Variants in PRELID2 observed in about 807,000 individuals in gnomAD.
The protein encoded by PRELID2 is PRELI domain containing 2, also known as PRELI domain-containing protein 2.
PRELID2 carries 25 observed loss-of-function variants against 28.4 expected under a neutral mutation model. The ratio of observed to expected loss-of-function variants is 0.88; its 90% CI spans 0.64 to 1.23. The LOEUF (loss-of-function observed/expected upper bound fraction) is 1.23, where lower values mean the gene tolerates loss of function less well. Ranked by LOEUF, PRELID2 falls within the 50% of genes most tolerant of loss-of-function variation. PRELID2 has a pLI of 0.00. For missense variants in PRELID2, 201 were observed against 214.4 expected, an observed-to-expected ratio of 0.94 and a Z score of 0.39; for synonymous variants, 76 against 71.6, an observed-to-expected ratio of 1.06 and a Z score of -0.31.
At chr5:145,235,085 C>A in the PRELID2 span, among the ~76,000 whole-genome samples, 1 of 152,086 alleles carries the variant, frequency 6.6e-6, no homozygotes, top group African/African-American at 2.4e-5. Context: ...AAGATAGATG[C>A]ACAACTTTCA....
intron 1 of PRELID2, among the ~76,000 whole-genome samples, chr5:145,649,597 C>G (rs931261955): frequency 6.6e-6 from 1 of 152,172 alleles, no homozygotes; most frequent in Non-Finnish European, 1.5e-5. Context: ...ATTTTCCATC[C>G]TTTTCTTTCT....
Position 145,658,413 on chromosome 5 carries a change from C to G in PRELID2, n.70+106518G>C, listed in dbSNP as rs565259045. 3.9e-5 allele frequency among the ~76,000 whole-genome samples: 6 copies of G among 152,278 alleles called. No homozygotes were observed. In the East Asian group the frequency reaches 1.2e-3, roughly 29 times the overall value. On this transcript the variant is annotated intron_variant and non_coding_transcript_variant, in intron 1 of 2. Transcript: ENST00000510259. ...CATGTGATGGGATCTGGATGTGTGT[C>G]CCTCCAAATCTCATGCTGAAATGTG...
chr5:145,537,760 T>C (rs1314663657), intron 1 of PRELID2, among the ~76,000 whole-genome samples: 2 of 151,966 alleles, frequency 1.3e-5, no homozygotes, highest in Non-Finnish European at 2.9e-5. Flanking sequence ...ATGTATAGTT[T>C]GCAAATATTT....
chr5:145,304,182 A>G, the PRELID2 span, among the ~76,000 whole-genome samples: 35 of 152,328 alleles, frequency 2.3e-4, 1 homozygote, highest in South Asian at 1.4e-3. Flanking sequence ...TATGTATTAA[A>G]CACTTACTAT....
the PRELID2 span, among the ~76,000 whole-genome samples, chr5:145,244,036 T>C: frequency 6.6e-6 from 1 of 152,072 alleles, no homozygotes; most frequent in Non-Finnish European, 1.5e-5. Context: ...CACTGTAACA[T>C]TTGCCTCCCC....
rs536795919 is a variant in PRELID2, at chr5:145,519,357, C to T, written n.71-46042G>A. ...GTTAGACACAATGTTTTATCCCAAG[C>T]GGTAACCTAGGCTAAAAGTATAGAG... is the stretch of plus-strand genomic sequence containing the variant. On this transcript the variant is annotated intron_variant and non_coding_transcript_variant, in intron 1 of 2. Coordinates refer to the PRELID2 transcript ENST00000510259. 5.9e-5 allele frequency among the ~76,000 whole-genome samples: 9 copies of T among 152,174 alleles called. No homozygotes were observed. The East Asian group carries it at 7.7e-4, about 13-fold the overall frequency.
At chr5:145,304,787 T>C in the PRELID2 span, among the ~76,000 whole-genome samples, 1 of 152,136 alleles carries the variant, frequency 6.6e-6, no homozygotes, top group Admixed American at 6.6e-5. Context: ...AAGATTCATG[T>C]TCTGTTGGAC....
chr5:145,462,270 G>T, the PRELID2 span, among the ~76,000 whole-genome samples: 1 of 152,138 alleles, frequency 6.6e-6, no homozygotes, highest in Non-Finnish European at 1.5e-5. Flanking sequence ...TTAAATAAAT[G>T]TCAAGTCTTA....
Position 145,595,237 on chromosome 5 carries a change from A to G in PRELID2, n.71-121922T>C, listed in dbSNP as rs533507502. ...CCAGAGTCAATAAATGGCACACCAC[A>G]TGTCAGCCATGTTATTTACTATCGA... On this transcript the variant is annotated intron_variant and non_coding_transcript_variant, in intron 1 of 2. Transcript: ENST00000510259. Among the ~76,000 whole-genome samples, 8 of 150,048 alleles carry G rather than the reference A, an allele frequency of 5.3e-5. No individual in the cohort carries two copies. In the South Asian group the frequency reaches 1.5e-3, roughly 28 times the overall value.
intron 1 of PRELID2, among the ~76,000 whole-genome samples, chr5:145,668,594 A>G (rs756217036): frequency 9.2e-5 from 14 of 152,078 alleles, no homozygotes; most frequent in Non-Finnish European, 1.8e-4. Flanking sequence ...GCAACAATTT[A>G]TTGAACAACT....
rs10476876 is a variant in PRELID2 at position 145,813,350 on chromosome 5, C to T, written c.368+4544G>A. Among the ~76,000 whole-genome samples, 1,060 of 152,288 alleles carry T rather than the reference C, an allele frequency of 7.0e-3. 14 individuals are homozygous for T. The highest frequency in any genetic ancestry group is 0.024 in the African/African-American group (1,006 of 41,552). On this transcript the variant is annotated intron_variant, in intron 4 of 6. Coordinates refer to ENST00000683046, the MANE Select transcript of PRELID2 (RefSeq NM_205846.3). ...TTCATTTAGAATGTCTGCCTAAATGCCTTTCTAAATCCATGTCAAGAGCTA... is the reference window on the plus strand; with the variant it reads ...TTCATTTAGAATGTCTGCCTAAATGTCTTTCTAAATCCATGTCAAGAGCTA...
At chr5:145,749,674 T>C (rs694615) in intron 1 of PRELID2, among the ~76,000 whole-genome samples, 120,583 of 152,058 alleles carry the variant, frequency 0.79, 48,713 homozygotes, top group East Asian at 0.88. Context: ...TGTATGTTTA[T>C]TGCAGCACTG....
chr5:145,357,064 C>T, the PRELID2 span, among the ~76,000 whole-genome samples: 2 of 152,106 alleles, frequency 1.3e-5, no homozygotes, highest in Non-Finnish European at 2.9e-5. Flanking sequence ...TGGATATAGG[C>T]CCCCAATATC....
At chr5:145,743,873 G>C (rs770236788) in intron 1 of PRELID2, among the ~76,000 whole-genome samples, 2 of 152,238 alleles carry the variant, frequency 1.3e-5, no homozygotes, top group Non-Finnish European at 2.9e-5. Context: ...TGAGCTCCTT[G>C]GGGGAGGAGC....
At chr5:145,651,193 G>T (rs145947069) in intron 1 of PRELID2, among the ~76,000 whole-genome samples, 1 of 152,158 alleles carries the variant, frequency 6.6e-6, no homozygotes, top group African/African-American at 2.4e-5. Context: ...ACTGCAAGAC[G>T]GCAGTGAGGC....
chr5:145,393,361 T>A, the PRELID2 span, among the ~76,000 whole-genome samples: 1 of 152,090 alleles, frequency 6.6e-6, no homozygotes, highest in Non-Finnish European at 1.5e-5. Flanking sequence ...CACCTCGGTG[T>A]GGGAACTGAG....
chr5:145,319,882 CTTTG>C, the PRELID2 span, among the ~76,000 whole-genome samples: 13 of 152,120 alleles, frequency 8.5e-5, no homozygotes, highest in East Asian at 5.8e-4. Flanking sequence ...CAGAGCAGTA[CTTTG>C]TTTATCACCT....
chr5:145,553,595 C>T (rs1020967890), intron 1 of PRELID2, among the ~76,000 whole-genome samples: 9 of 152,114 alleles, frequency 5.9e-5, no homozygotes, highest in African/African-American at 1.4e-4. Context: ...TGCTATTACT[C>T]GGAGGGAGAT....
intron 1 of PRELID2, among the ~76,000 whole-genome samples, chr5:145,475,799 T>C (rs981416358): frequency 1.3e-5 from 2 of 152,188 alleles, no homozygotes; most frequent in African/African-American, 4.8e-5. Context: ...GTCTCTATGA[T>C]CTATAGTATT....
Sources: allele counts gnomAD v4.1 joint callset (sites outside exome capture counted in the v4.1 genomes callset), GRCh38; gene constraint gnomAD v4.1.1; transcripts MANE v1.5; gene names NCBI Gene and HGNC (gene_info 2026-07-23, HGNC 2026-07-21).